The following MDGA2 variants were observed in gnomAD, a reference collection of about 807,000 sequenced individuals.
The protein encoded by MDGA2 is MAM domain-containing glycosylphosphatidylinositol anchor protein 2.
Under a neutral mutation model 117.8 loss-of-function variants are expected in MDGA2, and 40 were observed. The observed-to-expected ratio is 0.34, with a 90% CI of 0.26 to 0.44. MDGA2 has a LOEUF of 0.44. Among genes scored for constraint, MDGA2 ranks in the 20% least tolerant of loss-of-function variants. The pLI, the probability that MDGA2 is intolerant of heterozygous loss-of-function variation, is 1.00. For missense variants in MDGA2, 1,123 were observed against 1,250.6 expected, an observed-to-expected ratio of 0.90 and a Z score of 1.54; for synonymous variants, 452 against 439.0, an observed-to-expected ratio of 1.03 and a Z score of -0.37.
In MDGA2 at chr14:46,987,943, C is replaced by T. The variant is rs556611650; in HGVS notation, c.1820-30300G>A. Among the ~76,000 whole-genome samples, 14 of 149,490 alleles carry T rather than the reference C, an allele frequency of 9.4e-5. 1 individual carries two copies. The Middle Eastern group carries it at 0.014, about 149-fold the overall frequency. Reference sequence around the variant, plus strand: ...ATTCTGGGGTGGGGGGGGGTGCGCGCGTGTGTGTATGTTGTAATTTGCTGT... The same window carrying T: ...ATTCTGGGGTGGGGGGGGGTGCGCGTGTGTGTGTATGTTGTAATTTGCTGT... On this transcript the variant is annotated intron_variant, in intron 8 of 16. Transcript: ENST00000399232.
intron 1 of MDGA2, among the ~76,000 whole-genome samples, chr14:47,608,862 C>T (rs1566539230): frequency 6.6e-6 from 1 of 151,908 alleles, no homozygotes; most frequent in Admixed American, 6.6e-5. Flanking sequence ...AGCAGAGAAA[C>T]CGGCTGGATT....
At chr14:47,180,210 A>G (rs550316777) in intron 3 of MDGA2, among the ~76,000 whole-genome samples, 15 of 152,138 alleles carry the variant, frequency 9.9e-5, no homozygotes, top group South Asian at 2.1e-4. Context: ...TTAGGCCCCA[A>G]TGTATGTTGT....
intron 8 of MDGA2, among the ~76,000 whole-genome samples, chr14:47,012,016 T>C (rs1887911445): frequency 6.6e-6 from 1 of 152,096 alleles, no homozygotes; most frequent in Admixed American, 6.6e-5. Flanking sequence ...CGTTAGCTTT[T>C]AGGCATTTAC....
At chr14:47,124,957 G>A (rs1474382681) in intron 5 of MDGA2, among the ~76,000 whole-genome samples, 2 of 152,156 alleles carry the variant, frequency 1.3e-5, no homozygotes, top group African/African-American at 2.4e-5. Context: ...GTGGTGCTCT[G>A]CTATGGCAGC....
chr14:47,582,514 C>T (rs1036790633), intron 1 of MDGA2, among the ~76,000 whole-genome samples: 2 of 151,820 alleles, frequency 1.3e-5, no homozygotes, highest in African/African-American at 2.4e-5. Flanking sequence ...TAATCATCTT[C>T]GATGACTCCA....
intron 7 of MDGA2, among the ~76,000 whole-genome samples, chr14:47,039,991 C>T (rs1277325894): frequency 2.0e-5 from 3 of 152,030 alleles, no homozygotes; most frequent in Non-Finnish European, 4.4e-5. Flanking sequence ...TCTTACTATC[C>T]ATATGTATCC....
Position 47,131,825 on chromosome 14 carries a change from G to A in MDGA2, c.814C>T (p.Leu272=). The stretch of plus-strand genomic sequence containing the variant: ...TAGTCCTGAGGTCGAAGATTCTTTA[G>A]TTTTAAGATCTTTGTTTCACCCTGA... ...FTQGETKILK[L]KNLRPQDYAN... is the part of the protein sequence containing the mutation. Residue 272 remains leucine (L), a synonymous_variant, in exon 5 of 17, where the codon CTA becomes TTA. Transcript: ENST00000399232. 2 of 1,583,176 alleles carry A rather than the reference G, an allele frequency of 1.3e-6. No individual in the cohort carries two copies. The highest frequency in any genetic ancestry group is 1.1e-5 in the South Asian group (1 of 87,830).
At chr14:47,484,394 T>C (rs1566479777) in intron 1 of MDGA2, among the ~76,000 whole-genome samples, 1 of 152,110 alleles carries the variant, frequency 6.6e-6, no homozygotes, top group Non-Finnish European at 1.5e-5. Flanking sequence ...TTGATGACAA[T>C]GGTATAATTG....
Position 46,884,688 on chromosome 14 carries a change from T to C in MDGA2, c.2239-2467A>G, listed in dbSNP as rs921258346. Among the ~76,000 whole-genome samples, 1 of 152,062 alleles carries C rather than the reference T, an allele frequency of 6.6e-6. No homozygotes were observed. Among genetic ancestry groups the C allele is most frequent in the African/African-American group, 2.4e-5 (1 of 41,418 alleles). ...AGAAAAATATATACCATTCAATTGGTTATGCATATGGAAAAAAACCACTTG... is the reference window on the plus strand; with the variant it reads ...AGAAAAATATATACCATTCAATTGGCTATGCATATGGAAAAAAACCACTTG... On this transcript the variant is annotated intron_variant, in intron 10 of 16. Transcript: ENST00000399232. The surrounding 1 kb of genome is among the most constrained non-coding windows in gnomAD (Gnocchi z 4.1).
intron 1 of MDGA2, among the ~76,000 whole-genome samples, chr14:47,590,210 C>G (rs2138857539): frequency 6.6e-6 from 1 of 151,940 alleles, no homozygotes; most frequent in East Asian, 1.9e-4. Context: ...ACTGCTCTAG[C>G]CACACCCTAC....
chr14:47,169,124 G>C (rs1343423524), intron 3 of MDGA2, among the ~76,000 whole-genome samples: 2 of 151,886 alleles, frequency 1.3e-5, no homozygotes, highest in Non-Finnish European at 2.9e-5. Flanking sequence ...AATGGGCATG[G>C]TAAGGTGACA....
At chr14:47,564,365 A>C (rs2138807583) in intron 1 of MDGA2, among the ~76,000 whole-genome samples, 1 of 152,310 alleles carries the variant, frequency 6.6e-6, no homozygotes, top group Admixed American at 6.5e-5. Flanking sequence ...AAAGAGGCTT[A>C]ATCTACTTAT....
chr14:47,342,300 AAAT>A (rs2138325599), intron 1 of MDGA2, among the ~76,000 whole-genome samples: 1 of 147,938 alleles, frequency 6.8e-6, no homozygotes, highest in East Asian at 2.0e-4. Flanking sequence ...TTATATATAT[AAAT>A]ATGTGTGTAT....
chr14:47,070,482 T>G (rs1890241555), intron 6 of MDGA2, among the ~76,000 whole-genome samples: 1 of 152,202 alleles, frequency 6.6e-6, no homozygotes, highest in Non-Finnish European at 1.5e-5. Flanking sequence ...TCCCATTCTC[T>G]GTAGAGGGTA....
intron 2 of MDGA2, among the ~76,000 whole-genome samples, chr14:47,268,947 C>CT (rs34571007): frequency 0.85 from 129,506 of 152,146 alleles, 55,311 homozygotes; most frequent in East Asian, 0.93. Context: ...CATATTAACA[C>CT]TTTGGGATTA....
At chr14:47,091,874 C>T (rs931432782) in intron 6 of MDGA2, among the ~76,000 whole-genome samples, 33 of 152,030 alleles carry the variant, frequency 2.2e-4, no homozygotes, top group African/African-American at 8.0e-4. Flanking sequence ...TTGAAGATGG[C>T]AGAGACATGA....
chr14:47,329,930 A>G (rs17740878), intron 1 of MDGA2, among the ~76,000 whole-genome samples: 21 of 151,908 alleles, frequency 1.4e-4, no homozygotes, highest in African/African-American at 5.1e-4. Flanking sequence ...TGGGGAAAAA[A>G]TCCTCTATAT....
Position 46,882,235 on chromosome 14 carries a change from AATAATAG to A in MDGA2, c.2239-21_2239-15del. 6.3e-7 allele frequency: 1 copy of A among 1,599,896 alleles called. No individual in the cohort carries two copies. Among genetic ancestry groups the A allele is most frequent in the Middle Eastern group, 1.7e-4 (1 of 6,016 alleles). On this transcript the variant is annotated splice_polypyrimidine_tract_variant and intron_variant, in intron 10 of 16. Coordinates refer to ENST00000399232, the MANE Select transcript of MDGA2 (RefSeq NM_001113498.3). Reference sequence around the variant, plus strand: ...CTGCTGTCCAGCCTGAAATCAAAACAATAATAGAATAATGTTCCCAGTATGTTCTTCA... The same window carrying A: ...CTGCTGTCCAGCCTGAAATCAAAACAAATAATGTTCCCAGTATGTTCTTCA...
chr14:47,408,056 C>CTTTTTTTTTTTTT (rs56285818), intron 1 of MDGA2, among the ~76,000 whole-genome samples: 1 of 115,186 alleles, frequency 8.7e-6, no homozygotes, highest in Admixed American at 1.0e-4. Context: ...GGAGATTATT[C>CTTTTTTTTTTTTT]TTTTTTTTTT....
Sources: allele counts gnomAD v4.1 joint callset (sites outside exome capture counted in the v4.1 genomes callset), GRCh38; gene constraint gnomAD v4.1.1; non-coding constraint Gnocchi (gnomAD v3.1); transcripts MANE v1.5; gene names NCBI Gene and HGNC (gene_info 2026-07-23, HGNC 2026-07-21).